CNTNAP2: variants seen among roughly 807,000 people sequenced by gnomAD.
The protein encoded by CNTNAP2 is contactin-associated protein-like 2.
Under a neutral mutation model 155.2 loss-of-function variants are expected in CNTNAP2, and 98 were observed. The ratio of observed to expected loss-of-function variants is 0.63; its 90% CI spans 0.54 to 0.75. The LOEUF (loss-of-function observed/expected upper bound fraction) is 0.75. CNTNAP2 is among the 30% of genes least tolerant of loss of function. CNTNAP2 has a pLI of 0.00. For synonymous variants in CNTNAP2, 651 were observed against 631.2 expected (o/e 1.03, Z -0.47); for missense variants, 1,727 against 1,688.1 (o/e 1.02, Z -0.40).
intron 4 of CNTNAP2, among the ~76,000 whole-genome samples, chr7:147,061,784 A>C (rs1799679953): frequency 6.6e-6 from 1 of 152,186 alleles, no homozygotes; most frequent in Non-Finnish European, 1.5e-5. Context: ...AAAACAAAAA[A>C]ACACTAGCTG....
intron 1 of CNTNAP2, among the ~76,000 whole-genome samples, chr7:146,483,283 ATATATATATATATATAT>A (rs1386803344): frequency 6.4e-5 from 4 of 62,720 alleles, no homozygotes; most frequent in Non-Finnish European, 1.1e-4. Flanking sequence ...CTAAAAAAAA[ATATATATATATATATAT>A]ATATATATAT....
At chr7:146,724,315 C>T (rs901769734) in intron 1 of CNTNAP2, among the ~76,000 whole-genome samples, 5 of 151,970 alleles carry the variant, frequency 3.3e-5, no homozygotes, top group African/African-American at 9.6e-5. Context: ...TGTAACTGTT[C>T]GTTTTTATTT....
chr7:148,357,167 G>T (rs769668069), intron 21 of CNTNAP2, among the ~76,000 whole-genome samples: 2 of 152,078 alleles, frequency 1.3e-5, no homozygotes, highest in Non-Finnish European at 2.9e-5. Flanking sequence ...GAATCATGGG[G>T]GTGGGTCTTT....
chr7:146,840,893 A>C (rs1039435961), intron 3 of CNTNAP2, among the ~76,000 whole-genome samples: 2 of 152,246 alleles, frequency 1.3e-5, no homozygotes, highest in Admixed American at 6.5e-5. Context: ...CTTAAGTAGA[A>C]CTTTAGAAAT....
At chr7:146,960,571 A>G (rs373436441) in intron 3 of CNTNAP2, among the ~76,000 whole-genome samples, 3 of 152,346 alleles carry the variant, frequency 2.0e-5, no homozygotes, top group African/African-American at 7.2e-5. Flanking sequence ...ACACTGCAGC[A>G]ATTGTCATAC....
At chr7:148,131,047 C>T (rs1804820295) in intron 16 of CNTNAP2, among the ~76,000 whole-genome samples, 1 of 149,360 alleles carries the variant, frequency 6.7e-6, no homozygotes, top group Admixed American at 6.7e-5. Flanking sequence ...TTCTATCTCA[C>T]TCTCTTGGAT....
At chr7:147,667,791 G>T (rs1185021104) in intron 13 of CNTNAP2, among the ~76,000 whole-genome samples, 2 of 145,918 alleles carry the variant, frequency 1.4e-5, no homozygotes, top group African/African-American at 2.6e-5. Context: ...CCAGGCTGCT[G>T]CTGCAAAAAA....
chr7:146,294,351 T>C (rs1022717686), intron 1 of CNTNAP2, among the ~76,000 whole-genome samples: 7 of 152,098 alleles, frequency 4.6e-5, no homozygotes, highest in South Asian at 2.1e-4. Flanking sequence ...GAAAGGATAT[T>C]TGGACGCTGC....
At chr7:146,722,887 C>A (rs1801363512) in intron 1 of CNTNAP2, among the ~76,000 whole-genome samples, 1 of 151,978 alleles carries the variant, frequency 6.6e-6, no homozygotes, top group South Asian at 2.1e-4. Context: ...TAGTGGTGGG[C>A]ATCTCTAAGC....
intron 9 of CNTNAP2, among the ~76,000 whole-genome samples, chr7:147,357,942 T>C (rs1219097503): frequency 3.3e-5 from 5 of 152,142 alleles, no homozygotes; most frequent in African/African-American, 1.2e-4. Flanking sequence ...ACAGCTTCTG[T>C]TGTGTCCACA....
chr7:147,345,221 T>C (rs536279297), intron 9 of CNTNAP2, among the ~76,000 whole-genome samples: 1 of 152,318 alleles, frequency 6.6e-6, no homozygotes, highest in South Asian at 2.1e-4. Context: ...GTGGGTGGCA[T>C]GTTAAACCCA....
intron 5 of CNTNAP2, among the ~76,000 whole-genome samples, chr7:147,112,783 T>C (rs952773996): frequency 5.3e-5 from 8 of 152,202 alleles, no homozygotes; most frequent in Admixed American, 1.3e-4. Context: ...ATAACTTTGT[T>C]AAGCATTTTT....
At chr7:147,299,551 A>G (rs1037739630) in intron 8 of CNTNAP2, among the ~76,000 whole-genome samples, 11 of 152,116 alleles carry the variant, frequency 7.2e-5, no homozygotes, top group African/African-American at 2.7e-4. Context: ...ATAACTACAC[A>G]TGCACAGTTA....
chr7:146,662,175 T>C lies in CNTNAP2; in HGVS notation c.98-112096T>C, dbSNP rs1237449016. 5.3e-5 allele frequency among the ~76,000 whole-genome samples: 8 copies of C among 152,152 alleles called. No homozygotes were observed. In the East Asian group the frequency reaches 1.5e-3, roughly 29 times the overall value. Reference sequence around the variant, plus strand: ...TTTTTAGACGGAGTCTTGCTCTTTGTCACCCGGGCTGGAGTGCAATGGCAC... The same window carrying C: ...TTTTTAGACGGAGTCTTGCTCTTTGCCACCCGGGCTGGAGTGCAATGGCAC... On this transcript the variant is annotated intron_variant, in intron 1 of 23. Coordinates refer to ENST00000361727, the MANE Select transcript of CNTNAP2 (RefSeq NM_014141.6).
chr7:146,431,776 C>T (rs7803018), intron 1 of CNTNAP2, among the ~76,000 whole-genome samples: 44,555 of 151,814 alleles, frequency 0.29, 6,689 homozygotes, highest in Admixed American at 0.43. Flanking sequence ...AACAGGGAGC[C>T]AGAATTCAAA....
At chr7:147,556,293 A>G (rs890254290) in intron 11 of CNTNAP2, among the ~76,000 whole-genome samples, 1 of 152,254 alleles carries the variant, frequency 6.6e-6, no homozygotes, top group East Asian at 1.9e-4. Flanking sequence ...ATTTTTATAT[A>G]GTTGTGATAT....
rs1243160814 is a variant in CNTNAP2, at chr7:148,413,441, T to C, written c.3797-1976T>C. Among the ~76,000 whole-genome samples the C allele has an allele frequency of 3.2e-4, 36 of 113,640 alleles. 6 individuals carry two copies. Among genetic ancestry groups the C allele is most frequent in the African/African-American group, 1.2e-3 (35 of 28,640 alleles). 74.6% of individuals were successfully genotyped at this position (113,640 alleles called of 152,430 possible). A position where few individuals can be genotyped will look rare whatever the true frequency, so the allele number is the denominator to read the frequency against. ...ATATATATATATATATATATATATA[T>C]ATATATTGCTCCATAGTTTTCTTGT... On this transcript the variant is annotated intron_variant, in intron 23 of 23. Transcript: ENST00000361727.
At chr7:148,183,864 T>C (rs1484514794) in intron 18 of CNTNAP2, among the ~76,000 whole-genome samples, 1 of 152,236 alleles carries the variant, frequency 6.6e-6, no homozygotes, top group Non-Finnish European at 1.5e-5. Flanking sequence ...TAGATTAGCT[T>C]AACTATTTTT....
At chr7:147,338,823 T>C (rs1795707411) in intron 9 of CNTNAP2, among the ~76,000 whole-genome samples, 2 of 151,704 alleles carry the variant, frequency 1.3e-5, no homozygotes, top group African/African-American at 2.4e-5. Flanking sequence ...TATGTAGATA[T>C]ATAAAAAGTT....
Sources: gnomAD v4.1 joint callset for allele counts (sites outside exome capture counted in the v4.1 genomes callset) on GRCh38, gnomAD v4.1.1 for gene constraint, MANE v1.5 for transcripts, NCBI Gene and HGNC (gene_info 2026-07-23, HGNC 2026-07-21) for gene names.